The following FOXP1 variants were observed in gnomAD, a reference collection of about 807,000 sequenced individuals.
FOXP1 encodes forkhead box protein P1.
A neutral mutation model predicts 98.2 loss-of-function variants in FOXP1; 15 were observed. The ratio of observed to expected loss-of-function variants is 0.15; its 90% CI spans 0.10 to 0.24. The LOEUF (loss-of-function observed/expected upper bound fraction) is 0.24, where lower values mean the gene tolerates loss of function less well. FOXP1 is among the 10% of genes least tolerant of loss of function. FOXP1 has a pLI of 1.00. For missense variants in FOXP1, 633 were observed against 848.5 expected (o/e 0.75, Z 3.15); for synonymous variants, 371 against 314.5 (o/e 1.18, Z -1.90).
chr3:71,565,405 A>G (rs764094509), intron 2 of FOXP1, among the ~76,000 whole-genome samples: 1 of 152,182 alleles, frequency 6.6e-6, no homozygotes, highest in South Asian at 2.1e-4. Context: ...CTCGTTGGGT[A>G]AGAGAGAGTC....
intron 4 of FOXP1, among the ~76,000 whole-genome samples, chr3:71,331,141 T>C (rs1325572729): frequency 1.3e-5 from 2 of 151,754 alleles, no homozygotes; most frequent in Non-Finnish European, 1.5e-5. Flanking sequence ...GAGAGAGAGG[T>C]GTGGGCGGGA....
intron 6 of FOXP1, among the ~76,000 whole-genome samples, chr3:71,161,912 C>T (rs1316542779): frequency 6.6e-6 from 1 of 152,164 alleles, no homozygotes; most frequent in African/African-American, 2.4e-5. Context: ...TAACTGAAGG[C>T]ACTGGAGAGA....
At chr3:71,356,115 C>A (rs551668618) in intron 4 of FOXP1, among the ~76,000 whole-genome samples, 2 of 148,440 alleles carry the variant, frequency 1.3e-5, no homozygotes, top group South Asian at 2.1e-4. Context: ...TCAGCCTGCA[C>A]GAGCGAAACC....
chr3:71,306,092 G>C (rs2074252940), intron 4 of FOXP1: 1 of 152,200 alleles, frequency 6.6e-6, no homozygotes, highest in Non-Finnish European at 1.5e-5. Flanking sequence ...TATGCAGGAA[G>C]AGGCCCCTTT....
At chr3:71,148,244 A>G (rs796557514) in intron 6 of FOXP1, among the ~76,000 whole-genome samples, 9 of 152,212 alleles carry the variant, frequency 5.9e-5, no homozygotes, top group African/African-American at 1.9e-4. Flanking sequence ...GGGCATGGTG[A>G]CAGGCACCTG....
intron 2 of FOXP1, among the ~76,000 whole-genome samples, chr3:71,573,016 C>T (rs1248457137): frequency 3.3e-5 from 5 of 152,170 alleles, no homozygotes; most frequent in Admixed American, 3.3e-4. Flanking sequence ...GTTACAAATA[C>T]TGAAAAACCC....
intron 2 of FOXP1, among the ~76,000 whole-genome samples, chr3:71,552,633 A>T (rs1422047229): frequency 6.6e-6 from 1 of 152,038 alleles, no homozygotes; most frequent in Non-Finnish European, 1.5e-5. Context: ...GGGACTATGA[A>T]ATATTTGATA....
intron 4 of FOXP1, among the ~76,000 whole-genome samples, chr3:71,352,545 C>G (rs2077868365): frequency 6.6e-6 from 1 of 151,094 alleles, no homozygotes; most frequent in Non-Finnish European, 1.5e-5. Flanking sequence ...CTACTTTGCT[C>G]CATATAAGCA....
chr3:71,365,338 T>C (rs1577147645), intron 3 of FOXP1, among the ~76,000 whole-genome samples: 2 of 152,068 alleles, frequency 1.3e-5, no homozygotes, highest in African/African-American at 4.8e-5. Flanking sequence ...ACCCCATGCC[T>C]GGTTCTTTCC....
At chr3:71,354,165 A>AT (rs1464527818) in intron 4 of FOXP1, among the ~76,000 whole-genome samples, 1 of 151,340 alleles carries the variant, frequency 6.6e-6, no homozygotes, top group Non-Finnish European at 1.5e-5. Flanking sequence ...AAAAAAAAAA[A>AT]ATACTAGGGA....
intron 19 of FOXP1, chr3:70,969,314 G>GTAAACTACAAGTAATTAAAA (rs2035669574): frequency 6.6e-6 from 1 of 152,262 alleles, no homozygotes; most frequent in African/African-American, 2.4e-5. Context: ...AAGTTACTGT[G>GTAAACTACAAGTAATTAAAA]TAAACTACAA....
At chr3:71,386,006 G>A (rs955895317) in intron 3 of FOXP1, among the ~76,000 whole-genome samples, 15 of 152,208 alleles carry the variant, frequency 9.9e-5, no homozygotes, top group Non-Finnish European at 1.9e-4. Flanking sequence ...TTCCCAGCCT[G>A]CCCTCTCTCC....
At chr3:71,120,934 G>A (rs1201352012) in intron 6 of FOXP1, among the ~76,000 whole-genome samples, 2 of 152,088 alleles carry the variant, frequency 1.3e-5, no homozygotes, top group African/African-American at 2.4e-5. Context: ...AACAAATACC[G>A]CAAAGGTAGG....
chr3:71,193,400 AGCCTCCCAAAGTGCTGGGATTACAGGC>A lies in FOXP1; in HGVS notation c.180+4775_180+4801del, dbSNP rs779632983. The stretch of plus-strand genomic sequence containing the variant: ...CCTGACCTCGTGATCTGCCCTCCTC[AGCCTCCCAAAGTGCTGGGATTACAGGC>A]GTGAGCCACTGCGCCCAGCCGTTAT... On this transcript the variant is annotated intron_variant, in intron 6 of 20. Transcript: ENST00000649528. Among the ~76,000 whole-genome samples the A allele has an allele frequency of 3.4e-3, 420 of 124,282 alleles. 65 individuals carry two copies. Among genetic ancestry groups the A allele is most frequent in the Non-Finnish European group, 5.4e-3 (337 of 62,144 alleles). 81.5% of individuals were successfully genotyped at this position (124,282 alleles called of 152,430 possible). A position where few individuals can be genotyped will look rare whatever the true frequency, so the allele number is the denominator to read the frequency against.
intron 5 of FOXP1, among the ~76,000 whole-genome samples, chr3:71,232,600 A>G (rs1003535827): frequency 3.9e-5 from 6 of 152,000 alleles, no homozygotes; most frequent in South Asian, 2.1e-4. Flanking sequence ...AAAAAAACAA[A>G]AAGAAGATAG....
intron 3 of FOXP1, among the ~76,000 whole-genome samples, chr3:71,465,384 A>T (rs1460356010): frequency 1.3e-5 from 2 of 152,082 alleles, no homozygotes; most frequent in African/African-American, 4.8e-5. Flanking sequence ...CTTCTTCATA[A>T]CAATGCTATG....
At chr3:71,244,023 A>G (rs1290560540) in intron 5 of FOXP1, among the ~76,000 whole-genome samples, 1 of 152,220 alleles carries the variant, frequency 6.6e-6, no homozygotes, top group African/African-American at 2.4e-5. Context: ...ACACCTTCAC[A>G]TTAAAATTTA....
chr3:71,217,029 A>T (rs920533424), intron 5 of FOXP1, among the ~76,000 whole-genome samples: 1 of 152,182 alleles, frequency 6.6e-6, no homozygotes, highest in Non-Finnish European at 1.5e-5. Context: ...GAACACTTCT[A>T]AAAGAATTTG....
chr3:71,004,094 C>G (rs1012988997), intron 12 of FOXP1, among the ~76,000 whole-genome samples: 17 of 151,940 alleles, frequency 1.1e-4, no homozygotes, highest in Non-Finnish European at 2.4e-4. Context: ...TACATCCCCC[C>G]CCAAGTTCAG....
Sources: gnomAD v4.1 joint callset for allele counts (sites outside exome capture counted in the v4.1 genomes callset) on GRCh38, gnomAD v4.1.1 for gene constraint, MANE v1.5 for transcripts, NCBI Gene and HGNC (gene_info 2026-07-23, HGNC 2026-07-21) for gene names.